Variants in METTL21C observed in about 807,000 individuals in gnomAD.
The protein encoded by METTL21C is protein-lysine methyltransferase METTL21C.
A neutral mutation model predicts 25.9 loss-of-function variants in METTL21C; 21 were observed. That is an observed-to-expected ratio of 0.81 (90% CI 0.58 to 1.17). The LOEUF (loss-of-function observed/expected upper bound fraction) is 1.17. Ranked by LOEUF, METTL21C falls within the 50% of genes most tolerant of loss-of-function variation. METTL21C has a pLI of 0.00. For synonymous variants in METTL21C, 125 were observed against 124.7 expected (o/e 1.00, Z -0.01); for missense variants, 312 against 315.1 (o/e 0.99, Z 0.07).
upstream of METTL21C, among the ~76,000 whole-genome samples, chr13:102,699,347 C>T (rs185763209): frequency 9.2e-5 from 14 of 152,274 alleles, no homozygotes; most frequent in East Asian, 1.2e-3. Flanking sequence ...TCCCTGGCTC[C>T]GTTGCTTCTT....
In METTL21C at chr13:102,685,899, C is replaced by A; in HGVS notation, c.*132G>T. ...TTAGAAAGTTTCTGCAGTATTGTTA[C>A]ATTTGTTCCAAGTATACAAGTTGTT... On this transcript the variant is annotated 3_prime_UTR_variant, in exon 4 of 4. Coordinates refer to ENST00000267273, the MANE Select transcript of METTL21C (RefSeq NM_001010977.3). 1 of 792,184 alleles carries A rather than the reference C, an allele frequency of 1.3e-6. No individual in the cohort carries two copies. The highest frequency in any genetic ancestry group is 3.4e-5 in the Admixed American group (1 of 29,096). 49.1% of individuals were successfully genotyped at this position (792,184 alleles called of 1,614,324 possible). A position where few individuals can be genotyped will look rare whatever the true frequency, so the allele number is the denominator to read the frequency against.
At chr13:102,691,295 A>G (rs936328933) in intron 1 of METTL21C, among the ~76,000 whole-genome samples, 2 of 151,858 alleles carry the variant, frequency 1.3e-5, no homozygotes, top group Admixed American at 1.3e-4. Context: ...TACCAGCAAA[A>G]TTGCACGAAT....
At chr13:102,690,080 A>G (rs1162808449) in intron 2 of METTL21C, among the ~76,000 whole-genome samples, 2 of 152,132 alleles carry the variant, frequency 1.3e-5, no homozygotes, top group Non-Finnish European at 2.9e-5. Flanking sequence ...CCACAAAGTC[A>G]TGCTTCCTAA....
chr13:102,699,536 T>TGCAA (rs1886000017), upstream of METTL21C, among the ~76,000 whole-genome samples: 1 of 152,080 alleles, frequency 6.6e-6, no homozygotes, highest in South Asian at 2.1e-4. Context: ...ATCAGGCAAA[T>TGCAA]GCAAGACATA....
At position 102,690,875 on chromosome 13, in the gene METTL21C, C is replaced by G; in HGVS notation, c.220G>C (p.Ala74Pro). ...TCCTGGATGACAATCTCCTTTCCTGCAAACCGATAATGCTCCTGAGTGTAG... is the reference window on the plus strand; with the variant it reads ...TCCTGGATGACAATCTCCTTTCCTGGAAACCGATAATGCTCCTGAGTGTAG... ...ASYTQEHYRF[A>P]GKEIVIQESI... is the part of the protein sequence containing the mutation. Residue 74 changes from alanine (A) to proline (P), a missense_variant, in exon 2 of 4, where the codon GCA (alanine) becomes CCA (proline). Coordinates refer to ENST00000267273, the MANE Select transcript of METTL21C (RefSeq NM_001010977.3). The G allele has an allele frequency of 4.3e-6, 7 of 1,614,182 alleles. No individual in the cohort carries two copies. Among genetic ancestry groups the G allele is most frequent in the Non-Finnish European group, 5.9e-6 (7 of 1,180,032 alleles).
chr13:102,703,902 C>G, the METTL21C span, among the ~76,000 whole-genome samples: 1 of 152,188 alleles, frequency 6.6e-6, no homozygotes, highest in Non-Finnish European at 1.5e-5. Context: ...CAGGGAAGAC[C>G]TCTTCCCTAT....
Position 102,686,977 on chromosome 13 carries a change from G to A in METTL21C, c.363C>T (p.Ala121=), listed in dbSNP as rs201934964. 197 of 1,613,934 alleles carry A rather than the reference G, an allele frequency of 1.2e-4. No individual in the cohort carries two copies. The highest frequency in any genetic ancestry group is 1.5e-4 in the Non-Finnish European group (181 of 1,179,970). ...CCACAATGGAAACAAGGCCTGGTCC[G>A]GCACCAATTTCAAGTATTTTTGCAT... ...FQDAKILEIG[A]GPGLVSIVAS... Residue 121 remains alanine (A), a synonymous_variant, in exon 3 of 4, where the codon GCC becomes GCT. Coordinates refer to ENST00000267273, the MANE Select transcript of METTL21C (RefSeq NM_001010977.3).
At chr13:102,703,244 TC>T in the METTL21C span, among the ~76,000 whole-genome samples, 380 of 151,776 alleles carry the variant, frequency 2.5e-3, 5 homozygotes, top group Middle Eastern at 3.4e-3. Context: ...CCCTCCCTGC[TC>T]TCTTCTGCTC....
chr13:102,687,149 C>CA lies in METTL21C; in HGVS notation c.283-93dup. The CA allele has an allele frequency of 4.6e-6, 4 of 860,494 alleles. No homozygotes were observed. In the South Asian group the frequency reaches 5.8e-5, roughly 12 times the overall value. The allele number at this position is 860,494 out of a possible 1,614,324, so 53.3% of individuals were successfully genotyped here. Reference sequence around the variant, plus strand: ...GCACCCAAATTTAAATACTAAAAGACATGTTATTACATATGTTCAGTTTAT... The same window carrying CA: ...GCACCCAAATTTAAATACTAAAAGACAATGTTATTACATATGTTCAGTTTAT... On this transcript the variant is annotated intron_variant, in intron 2 of 3. Coordinates refer to ENST00000267273, the MANE Select transcript of METTL21C (RefSeq NM_001010977.3).
chr13:102,695,621 G>T (rs1885934672), upstream of METTL21C, among the ~76,000 whole-genome samples: 1 of 152,122 alleles, frequency 6.6e-6, no homozygotes, highest in African/African-American at 2.4e-5. Flanking sequence ...TCACTATTTT[G>T]TGTTCTTTAT....
chr13:102,702,124 C>T, the METTL21C span, among the ~76,000 whole-genome samples: 8 of 151,040 alleles, frequency 5.3e-5, no homozygotes, highest in Non-Finnish European at 1.0e-4. Flanking sequence ...AGATCGTGCC[C>T]TTGCATTCCA....
the METTL21C span, among the ~76,000 whole-genome samples, chr13:102,701,883 C>T: frequency 4.6e-5 from 7 of 152,040 alleles, no homozygotes; most frequent in South Asian, 6.2e-4. Flanking sequence ...TAGGGGACTT[C>T]GGCAGGGCCC....
chr13:102,696,204 G>A (rs1050567102), upstream of METTL21C, among the ~76,000 whole-genome samples: 8 of 152,026 alleles, frequency 5.3e-5, no homozygotes, highest in African/African-American at 1.9e-4. Context: ...ATGAGTTCAT[G>A]TCCTTTGCAG....
upstream of METTL21C, among the ~76,000 whole-genome samples, chr13:102,699,986 A>G (rs1886007605): frequency 6.6e-6 from 1 of 152,244 alleles, no homozygotes; most frequent in Non-Finnish European, 1.5e-5. Flanking sequence ...ATTAAATCCT[A>G]TACCCACTCA....
In METTL21C at chr13:102,686,554, T is replaced by C. The variant is rs1368904113; in HGVS notation, c.401-129A>G. 10 of 1,109,252 alleles carry C rather than the reference T, an allele frequency of 9.0e-6. No individual in the cohort carries two copies. The African/African-American group carries it at 9.5e-5, about 11-fold the overall frequency. 68.7% of individuals were successfully genotyped at this position (1,109,252 alleles called of 1,614,324 possible). ...CTATTGGTGGGTGGGCTGGACATGT[T>C]TGACCTAATGTGGGCTGGCTAATTC... On this transcript the variant is annotated intron_variant, in intron 3 of 3. Transcript: ENST00000267273.
In METTL21C at chr13:102,694,426, A is replaced by C. The variant is rs1595246660; in HGVS notation, c.73T>G (p.Leu25Val). ...GEGLSSPGGWLEAEKKGAPQK... is the reference protein window; with the variant it reads ...GEGLSSPGGWVEAEKKGAPQK... ...GGAGCCCCCTTCTTCTCAGCCTCTA[A>C]CCAGCCACCCGGGGAGCTGAGTCCT... Residue 25 changes from leucine (L) to valine (V), a missense_variant, in exon 1 of 4, where the codon TTA becomes GTA. By Grantham distance (32) the Leu-to-Val change is conservative. Coordinates refer to ENST00000267273, the MANE Select transcript of METTL21C (RefSeq NM_001010977.3). 6.8e-7 allele frequency: 1 copy of C among 1,470,592 alleles called. No individual in the cohort carries two copies. The highest frequency in any genetic ancestry group is 8.9e-7 in the Non-Finnish European group (1 of 1,117,698). The allele number at this position is 1,470,592 out of a possible 1,614,324, so 91.1% of individuals were successfully genotyped here. A position where few individuals can be genotyped will look rare whatever the true frequency, so the allele number is the denominator to read the frequency against.
intron 2 of METTL21C, among the ~76,000 whole-genome samples, chr13:102,688,278 T>C (rs1235066741): frequency 6.6e-6 from 1 of 152,222 alleles, no homozygotes; most frequent in East Asian, 1.9e-4. Context: ...CGTCACTCCA[T>C]TTCATCCTCA....
Position 102,686,140 on chromosome 13 carries a change from G to A in METTL21C, c.686C>T (p.Thr229Ile). 6.2e-7 allele frequency: 1 copy of A among 1,614,182 alleles called. No individual in the cohort carries two copies. Among genetic ancestry groups the A allele is most frequent in the Admixed American group, 1.7e-5 (1 of 60,026 alleles). ...GAATTTATCTAAAAATTCATAGTCG[G>A]TGCTGAACCTGAATTTGTTTGCCCA... Reference protein sequence around the residue: ...LLWANKFRFSTDYEFLDKFKQ... With the variant: ...LLWANKFRFSIDYEFLDKFKQ... The change falls in exon 4 of 4, where the codon ACC (threonine) becomes ATC (isoleucine). Residue 229 changes from threonine (T) to isoleucine (I), a missense_variant. Thr to Ile is a moderately conservative substitution (Grantham distance 89, BLOSUM62 -1). Transcript: ENST00000267273.
chr13:102,703,687 T>C, the METTL21C span, among the ~76,000 whole-genome samples: 591 of 152,308 alleles, frequency 3.9e-3, 15 homozygotes, highest in South Asian at 0.067. Flanking sequence ...GTGGGGGAGA[T>C]GGGGCTTGTG....
Sources: allele counts gnomAD v4.1 joint callset (sites outside exome capture counted in the v4.1 genomes callset), GRCh38; gene constraint gnomAD v4.1.1; transcripts MANE v1.5; gene names NCBI Gene and HGNC (gene_info 2026-07-23, HGNC 2026-07-21).